Variants in GPR89A observed in about 807,000 individuals in gnomAD.
The protein encoded by GPR89A is golgi pH regulator A, also known as G protein-coupled receptor 89A.
A neutral mutation model predicts 52.0 loss-of-function variants in GPR89A; 16 were observed. The ratio of observed to expected loss-of-function variants is 0.31; its 90% CI spans 0.21 to 0.47. The LOEUF (loss-of-function observed/expected upper bound fraction) is 0.47. Among genes scored for constraint, GPR89A ranks in the 20% least tolerant of loss-of-function variants. The pLI is 1.00. For synonymous variants in GPR89A, 55 were observed against 150.9 expected (o/e 0.36, Z 4.66); for missense variants, 135 against 449.4 (o/e 0.30, Z 6.33).
Position 145,658,550 on chromosome 1 carries a change from G to A in GPR89A, c.910-4779G>A, listed in dbSNP as rs587693636. Among the ~76,000 whole-genome samples the A allele has an allele frequency of 2.0e-5, 3 of 148,310 alleles. No individual in the cohort carries two copies. The Admixed American group carries it at 2.0e-4, about 10-fold the overall frequency. On this transcript the variant is annotated intron_variant, in intron 10 of 13. Transcript: ENST00000313835. ...GCTGAGGCGGGGGAGGATCGCTTGA[G>A]CCTGGGAAGTTGAAGCTGCAGTGAG...
At chr1:145,661,365 G>T (rs1652190258) in intron 10 of GPR89A, among the ~76,000 whole-genome samples, 1 of 149,864 alleles carries the variant, frequency 6.7e-6, no homozygotes, top group African/African-American at 2.5e-5. Flanking sequence ...TAAATGATGA[G>T]TTAATGGGTG....
intron 10 of GPR89A, among the ~76,000 whole-genome samples, chr1:145,654,881 T>C (rs1471283795): frequency 1.3e-5 from 2 of 152,020 alleles, no homozygotes; most frequent in Non-Finnish European, 2.9e-5. Context: ...TCCTGAAGTA[T>C]GTTTTCCAAC....
intron 7 of GPR89A, among the ~76,000 whole-genome samples, chr1:145,637,519 GA>G (rs1650331289): frequency 6.6e-6 from 1 of 152,030 alleles, no homozygotes; most frequent in African/African-American, 2.4e-5. Flanking sequence ...ACAATTCTCA[GA>G]AAAACAAAAC....
intron 10 of GPR89A, among the ~76,000 whole-genome samples, chr1:145,649,847 G>T (rs1243981082): frequency 6.6e-6 from 1 of 151,940 alleles, no homozygotes; most frequent in Non-Finnish European, 1.5e-5. Context: ...CATTCTAATA[G>T]ATACGAGGTG....
intron 8 of GPR89A, 112 bp from the exon 9 acceptor site, chr1:145,646,072 A>C: frequency 6.5e-7 from 1 of 1,534,152 alleles, no homozygotes; most frequent in Non-Finnish European, 9.0e-7. Context: ...GGAAATTGAG[A>C]ATATAGGCAA....
At chr1:145,616,876 G>T (rs1648744419) in intron 2 of GPR89A, among the ~76,000 whole-genome samples, 1 of 152,122 alleles carries the variant, frequency 6.6e-6, no homozygotes, top group Non-Finnish European at 1.5e-5. Context: ...AAAAGGGGAG[G>T]GAGTGTACGA....
chr1:145,620,784 C>G (rs1553687990), intron 3 of GPR89A, among the ~76,000 whole-genome samples: 1 of 151,984 alleles, frequency 6.6e-6, no homozygotes, highest in African/African-American at 2.4e-5. Context: ...ACTTCCTATT[C>G]AAATATGTAA....
intron 10 of GPR89A, among the ~76,000 whole-genome samples, chr1:145,650,357 TACC>T (rs1289138947): frequency 1.3e-5 from 2 of 151,774 alleles, no homozygotes; most frequent in Non-Finnish European, 2.9e-5. Flanking sequence ...GGTGTATATG[TACC>T]ACATTTTCTT....
chr1:145,668,182 A>T (rs1644877424), intron 12 of GPR89A, among the ~76,000 whole-genome samples: 1 of 152,100 alleles, frequency 6.6e-6, no homozygotes, highest in South Asian at 2.1e-4. Context: ...TTTTCATGAT[A>T]TTGATTCTTC....
intron 10 of GPR89A, among the ~76,000 whole-genome samples, chr1:145,650,039 T>G (rs1213839554): frequency 6.6e-6 from 1 of 150,688 alleles, no homozygotes; most frequent in Non-Finnish European, 1.5e-5. Context: ...TTGTTACATA[T>G]GTAAGTATGT....
Position 145,670,515 on chromosome 1 carries a change from T to A in GPR89A, c.*475T>A, listed in dbSNP as rs1652927957. ...AGCATAGCTTGGTATTTATTATGCT[T>A]GTGTGATCTAACATCAGTTAGCATC... On this transcript the variant is annotated 3_prime_UTR_variant, in exon 14 of 14. Coordinates refer to ENST00000313835, the MANE Select transcript of GPR89A (RefSeq NM_001097612.2). The A allele has an allele frequency of 8.0e-6, 2 of 249,840 alleles. No homozygotes were observed. The highest frequency in any genetic ancestry group is 7.8e-6 in the Non-Finnish European group (1 of 128,440). The allele number at this position is 249,840 out of a possible 1,614,324, so 15.5% of individuals were successfully genotyped here. A position where few individuals can be genotyped will look rare whatever the true frequency, so the allele number is the denominator to read the frequency against.
chr1:145,639,035 A>G (rs1479413261), intron 7 of GPR89A, among the ~76,000 whole-genome samples: 1 of 150,836 alleles, frequency 6.6e-6, no homozygotes, highest in Non-Finnish European at 1.5e-5. Context: ...GTTTAAATAC[A>G]CTACTTACAA....
chr1:145,624,803 T>G (rs1312032368), intron 5 of GPR89A, among the ~76,000 whole-genome samples: 6 of 138,694 alleles, frequency 4.3e-5, no homozygotes, highest in African/African-American at 1.7e-4. Context: ...CTGTTTGAGC[T>G]CCTAAGTGCT....
Position 145,608,147 on chromosome 1 carries a change from T to A in GPR89A, c.14T>A (p.Ile5Asn). Residue 5 changes from isoleucine (I) to asparagine (N), a missense_variant, in exon 1 of 14, where the codon ATC (isoleucine) becomes AAC (asparagine). By Grantham distance (149) the Ile-to-Asn change is moderately radical. Coordinates refer to ENST00000313835, the MANE Select transcript of GPR89A (RefSeq NM_001097612.2). The stretch of plus-strand genomic sequence containing the variant: ...TTACACTTCGCCATGAGTTTCCTCA[T>A]CGACTCCAGCATCATGATTACCTCC... The part of the protein sequence containing the change: MSFL[I>N]DSSIMITSQI... 6.2e-7 allele frequency: 1 copy of A among 1,613,530 alleles called. No individual in the cohort carries two copies. Among genetic ancestry groups the A allele is most frequent in the Non-Finnish European group, 8.5e-7 (1 of 1,179,834 alleles).
intron 11 of GPR89A, 75 bp downstream of exon 11, chr1:145,663,499 A>T: frequency 6.3e-7 from 1 of 1,596,938 alleles, no homozygotes; most frequent in Non-Finnish European, 8.5e-7. Flanking sequence ...TTAAGATTCT[A>T]ATTTGTATAC....
intron 7 of GPR89A, among the ~76,000 whole-genome samples, chr1:145,642,668 T>C (rs1650731171): frequency 6.6e-6 from 1 of 152,142 alleles, no homozygotes; most frequent in Non-Finnish European, 1.5e-5. Context: ...CCAATGCTGC[T>C]GCTTGCTCTT....
intron 10 of GPR89A, among the ~76,000 whole-genome samples, chr1:145,649,294 G>A (rs1208811429): frequency 2.0e-5 from 3 of 151,972 alleles, no homozygotes; most frequent in Non-Finnish European, 4.4e-5. Flanking sequence ...CCTTTGTAAT[G>A]CCTCTCTCCC....
intron 10 of GPR89A, among the ~76,000 whole-genome samples, chr1:145,647,794 A>T (rs1651109336): frequency 4.9e-5 from 1 of 20,204 alleles, no homozygotes. Flanking sequence ...AGAGGGCGAG[A>T]CTCCATCTCT....
In GPR89A at chr1:145,647,844, CCTCCT is replaced by C. The variant is rs1211317735; in HGVS notation, c.909+579_909+583del. The stretch of plus-strand genomic sequence containing the variant: ...CGTCGTCGACTCTCTCTCTCTCTCT[CCTCCT>C]CCTCTCTCTCTCTCTCTCTCTCTCT... On this transcript the variant is annotated intron_variant, in intron 10 of 13. Transcript: ENST00000313835. Among the ~76,000 whole-genome samples, 5 of 16,734 alleles carry C rather than the reference CCTCCT, an allele frequency of 3.0e-4. 1 individual carries two copies. In the Admixed American group the frequency reaches 3.8e-3, roughly 13 times the overall value. The allele number at this position is 16,734 out of a possible 152,430, so 11.0% of individuals were successfully genotyped here. A position where few individuals can be genotyped will look rare whatever the true frequency, so the allele number is the denominator to read the frequency against.
Sources: gnomAD v4.1 joint callset for allele counts (sites outside exome capture counted in the v4.1 genomes callset) on GRCh38, gnomAD v4.1.1 for gene constraint, MANE v1.5 for transcripts, NCBI Gene and HGNC (gene_info 2026-07-23, HGNC 2026-07-21) for gene names.